Variants in ZBTB8A observed in about 807,000 individuals in gnomAD.
ZBTB8A encodes the protein zinc finger and BTB domain-containing protein 8A.
ZBTB8A carries 19 observed loss-of-function variants against 37.8 expected under a neutral mutation model. That is an observed-to-expected ratio of 0.50 (90% CI 0.35 to 0.74). ZBTB8A has a LOEUF of 0.74. Ranked by LOEUF, ZBTB8A falls within the 30% of genes least tolerant of loss-of-function variation. The pLI is 0.01. For missense variants in ZBTB8A, 394 were observed against 537.8 expected (o/e 0.73, Z 2.65); for synonymous variants, 181 against 185.2 (o/e 0.98, Z 0.19).
chr1:32,601,888 T>A lies in ZBTB8A; in HGVS notation c.*1469T>A. 1 of 391,388 alleles carries A rather than the reference T, an allele frequency of 2.6e-6. No homozygotes were observed. Among genetic ancestry groups the A allele is most frequent in the African/African-American group, 2.1e-5 (1 of 48,660 alleles). The allele number at this position is 391,388 out of a possible 1,614,324, so 24.2% of individuals were successfully genotyped here. ...AATGTCCCTACAGTACCTATTGGTA[T>A]GTTTTTATGTCACGTTATTTATATG... On this transcript the variant is annotated 3_prime_UTR_variant, in exon 5 of 5. Transcript: ENST00000373510.
intron 2 of ZBTB8A, among the ~76,000 whole-genome samples, chr1:32,580,166 C>T (rs1173582731): frequency 6.6e-6 from 1 of 151,876 alleles, no homozygotes; most frequent in Non-Finnish European, 1.5e-5. Context: ...GGGTGGTGGA[C>T]GTTGCAGTGA....
chr1:32,600,463 T>G lies in ZBTB8A; in HGVS notation c.*44T>G, dbSNP rs767308338. 4 of 1,394,246 alleles carry G rather than the reference T, an allele frequency of 2.9e-6. No individual in the cohort carries two copies. The highest frequency in any genetic ancestry group is 1.4e-5 in the African/African-American group (1 of 70,196). The allele number at this position is 1,394,246 out of a possible 1,614,324, so 86.4% of individuals were successfully genotyped here. ...GAGCTGGCATGTCTGCAATTTACAT[T>G]GACTTCCTGTATCTCTCTCTTTCTA... On this transcript the variant is annotated 3_prime_UTR_variant, in exon 5 of 5. Coordinates refer to ENST00000373510, the MANE Select transcript of ZBTB8A (RefSeq NM_001040441.3).
At position 32,579,383 on chromosome 1, in the gene ZBTB8A, G is replaced by A. The variant is rs1364552326; in HGVS notation, c.-1-13548G>A. Among the ~76,000 whole-genome samples, 7 of 151,522 alleles carry A rather than the reference G, an allele frequency of 4.6e-5. No individual in the cohort carries two copies. In the East Asian group the frequency reaches 7.7e-4, roughly 17 times the overall value. ...GGAGAATCACTTCAACCCGGGAGGC[G>A]GAGGTTGCAGTGAGCTGAGATCACA... On this transcript the variant is annotated intron_variant, in intron 2 of 4. Transcript: ENST00000373510.
At chr1:32,574,240 T>G (rs1238699797) in intron 2 of ZBTB8A, among the ~76,000 whole-genome samples, 1 of 152,208 alleles carries the variant, frequency 6.6e-6, no homozygotes, top group Non-Finnish European at 1.5e-5. Context: ...GATTTTCATG[T>G]GCTATTGACT....
intron 2 of ZBTB8A, among the ~76,000 whole-genome samples, chr1:32,559,660 T>C (rs1644228812): frequency 6.6e-6 from 1 of 151,984 alleles, no homozygotes; most frequent in Non-Finnish European, 1.5e-5. Context: ...TAATGGGGTT[T>C]CGCCATGTTG....
chr1:32,577,499 T>C (rs1048994219), intron 2 of ZBTB8A, among the ~76,000 whole-genome samples: 6 of 151,622 alleles, frequency 4.0e-5, no homozygotes, highest in African/African-American at 2.4e-5. Context: ...TTCCACTTCA[T>C]GTCTTCAAAT....
intron 1 of ZBTB8A, among the ~76,000 whole-genome samples, chr1:32,543,740 G>T (rs982263198): frequency 2.6e-5 from 4 of 151,960 alleles, no homozygotes; most frequent in African/African-American, 9.7e-5. Context: ...GCAATGGCGC[G>T]ATCTCGGCTC....
chr1:32,597,187 G>T (rs573916262), intron 4 of ZBTB8A, among the ~76,000 whole-genome samples: 7 of 152,086 alleles, frequency 4.6e-5, no homozygotes, highest in African/African-American at 1.7e-4. Flanking sequence ...TAGAGATGGG[G>T]TTTCACCATG....
chr1:32,550,001 G>A (rs2148215775), intron 1 of ZBTB8A, among the ~76,000 whole-genome samples: 1 of 152,184 alleles, frequency 6.6e-6, no homozygotes, highest in East Asian at 1.9e-4. Context: ...CATTTCACAT[G>A]GGGAAACTGA....
At chr1:32,595,855 A>G (rs540398104) in intron 4 of ZBTB8A, among the ~76,000 whole-genome samples, 1 of 151,494 alleles carries the variant, frequency 6.6e-6, no homozygotes, top group Non-Finnish European at 1.5e-5. Flanking sequence ...ATGGGGTTTC[A>G]TCATGTTGCC....
chr1:32,544,084 T>C (rs1447896307), intron 1 of ZBTB8A, among the ~76,000 whole-genome samples: 1 of 152,212 alleles, frequency 6.6e-6, no homozygotes, highest in Non-Finnish European at 1.5e-5. Context: ...GTCCTCTGCC[T>C]CAGTCTCCCA....
At chr1:32,581,632 G>A (rs1043236348) in intron 2 of ZBTB8A, among the ~76,000 whole-genome samples, 2 of 151,976 alleles carry the variant, frequency 1.3e-5, no homozygotes, top group African/African-American at 2.4e-5. Context: ...GATTACAGGC[G>A]TGAGCCACCG....
chr1:32,572,360 G>A (rs1009237145), intron 2 of ZBTB8A, among the ~76,000 whole-genome samples: 4 of 151,310 alleles, frequency 2.6e-5, no homozygotes, highest in African/African-American at 9.7e-5. Context: ...TTTGATATAT[G>A]GCTATTCAGA....
chr1:32,582,625 A>G lies in ZBTB8A; in HGVS notation c.-1-10306A>G, dbSNP rs1270596147. Among the ~76,000 whole-genome samples the G allele has an allele frequency of 2.6e-5, 4 of 152,214 alleles. No homozygotes were observed. In the East Asian group the frequency reaches 5.8e-4, roughly 22 times the overall value. ...GCCATTGCACTCCAGCCTGGGCAAC[A>G]GGAGTGAAACTCTCTCAAAAAAAAA... On this transcript the variant is annotated intron_variant, in intron 2 of 4. Coordinates refer to ENST00000373510, the MANE Select transcript of ZBTB8A (RefSeq NM_001040441.3).
Position 32,593,104 on chromosome 1 carries a change from A to G in ZBTB8A, c.173A>G (p.Lys58Arg). Residue 58 changes from lysine to arginine, a missense_variant, in exon 3 of 5, where the codon AAG becomes AGG. Physicochemically the swap from Lys to Arg is conservative, Grantham distance 26. Around this residue, in one of 4 missense-constraint regions of ZBTB8A, gnomAD observed 96 missense variants for 165.6 expected, o/e 0.58. Coordinates refer to ENST00000373510, the MANE Select transcript of ZBTB8A (RefSeq NM_001040441.3). The part of the protein sequence containing the change: ...YFKMLLSQNS[K>R]ETSQPTTATF... ...AAAATGCTTCTTTCTCAGAATTCAA[A>G]GGAGACGAGTCAGCCAACCACAGCT... 6.2e-7 allele frequency: 1 copy of G among 1,614,206 alleles called. No individual in the cohort carries two copies. Among genetic ancestry groups the G allele is most frequent in the Middle Eastern group, 1.6e-4 (1 of 6,062 alleles).
rs780536636 is a variant in ZBTB8A at position 32,600,382 on chromosome 1, A to T, written c.1289A>T (p.Glu430Val). The change falls in exon 5 of 5, where the codon GAA (glutamate) becomes GTA (valine). Residue 430 changes from glutamate (E) to valine (V), a missense_variant. Coordinates refer to ENST00000373510, the MANE Select transcript of ZBTB8A (RefSeq NM_001040441.3). ...ATCCAACAGGTTGATGATAGTGAAG[A>T]AGAAGAAGAAAAAGAAATTAAGCCC... ...LVIQQVDDSE[E>V]EEEKEIKPNI... 1.2e-6 allele frequency: 2 copies of T among 1,612,944 alleles called. No homozygotes were observed. The highest frequency in any genetic ancestry group is 1.1e-5 in the South Asian group (1 of 91,032).
chr1:32,540,066 G>C (rs1644040437), intron 1 of ZBTB8A, among the ~76,000 whole-genome samples: 2 of 152,014 alleles, frequency 1.3e-5, no homozygotes, highest in Admixed American at 1.3e-4. Flanking sequence ...CGAGTTTCTC[G>C]GTGCAGCCTC....
chr1:32,566,983 T>C (rs1644284784), intron 2 of ZBTB8A, among the ~76,000 whole-genome samples: 1 of 152,174 alleles, frequency 6.6e-6, no homozygotes, highest in Non-Finnish European at 1.5e-5. Flanking sequence ...GGTCAAAGTA[T>C]TTAACTTCAT....
At chr1:32,585,794 G>A (rs1644443427) in intron 2 of ZBTB8A, among the ~76,000 whole-genome samples, 1 of 151,950 alleles carries the variant, frequency 6.6e-6, no homozygotes. Context: ...CCTGAAGTCA[G>A]GAGTTCGAGA....
Sources: gnomAD v4.1 joint callset for allele counts (sites outside exome capture counted in the v4.1 genomes callset) on GRCh38, gnomAD v4.1.1 for gene constraint, gnomAD v4.1.1 regional missense constraint, MANE v1.5 for transcripts, NCBI Gene and HGNC (gene_info 2026-07-23, HGNC 2026-07-21) for gene names.